LYPLA1: variants seen among roughly 807,000 people sequenced by gnomAD.
The protein encoded by LYPLA1 is acyl-protein thioesterase 1.
Under a neutral mutation model 34.0 loss-of-function variants are expected in LYPLA1, and 17 were observed. That is an observed-to-expected ratio of 0.50 (90% CI 0.34 to 0.75). The LOEUF is 0.75. Among genes scored for constraint, LYPLA1 ranks in the 30% least tolerant of loss-of-function variants. The pLI is 0.01. For missense variants in LYPLA1, 203 were observed against 288.8 expected (o/e 0.70, Z 2.15); for synonymous variants, 98 against 100.8 (o/e 0.97, Z 0.17).
At chr8:54,077,497 TA>T (rs1183616055) in intron 2 of LYPLA1, among the ~76,000 whole-genome samples, 1 of 151,930 alleles carries the variant, frequency 6.6e-6, no homozygotes, top group African/African-American at 2.4e-5. Context: ...AGTTACAAAG[TA>T]AAAAATAAAA....
At chr8:54,049,772 C>CT (rs1805725653) in intron 8 of LYPLA1, among the ~76,000 whole-genome samples, 1 of 151,992 alleles carries the variant, frequency 6.6e-6, no homozygotes, top group African/African-American at 2.4e-5. Context: ...TTCCTGTTTA[C>CT]CAAAACTTTT....
intron 5 of LYPLA1, among the ~76,000 whole-genome samples, chr8:54,061,898 C>A (rs185866723): frequency 6.6e-6 from 1 of 152,240 alleles, no homozygotes; most frequent in Non-Finnish European, 1.5e-5. Context: ...TCTGGTTGCC[C>A]AGGCTGGAGC....
chr8:54,071,909 A>T (rs559087828), intron 2 of LYPLA1, among the ~76,000 whole-genome samples: 40 of 152,320 alleles, frequency 2.6e-4, no homozygotes, highest in Middle Eastern at 6.8e-3. Context: ...GGAACCAAAA[A>T]AAGAGCCCAA....
chr8:54,086,506 T>C (rs1429198826), intron 2 of LYPLA1, among the ~76,000 whole-genome samples: 1 of 120,644 alleles, frequency 8.3e-6, no homozygotes, highest in African/African-American at 3.4e-5. Context: ...AAGGAACAGT[T>C]ACTCATTTAG....
intron 2 of LYPLA1, among the ~76,000 whole-genome samples, chr8:54,091,555 A>G (rs1025810287): frequency 2.0e-3 from 274 of 140,238 alleles, no homozygotes; most frequent in Middle Eastern, 3.6e-3. Context: ...AGAAAAGAAG[A>G]AAGGAAGGAA....
At chr8:54,057,542 T>G (rs1806293745) in intron 5 of LYPLA1, among the ~76,000 whole-genome samples, 1 of 152,178 alleles carries the variant, frequency 6.6e-6, no homozygotes, top group Non-Finnish European at 1.5e-5. Context: ...ATCATTATGT[T>G]AAGGGAAATA....
chr8:54,054,978 C>A, intron 6 of LYPLA1, 82 bp downstream of exon 6: 2 of 807,976 alleles, frequency 2.5e-6, no homozygotes, highest in East Asian at 2.5e-5. Flanking sequence ...TCAAAAAAGA[C>A]TACTCTATAG....
chr8:54,077,635 A>AAAAT (rs551073777), intron 2 of LYPLA1, among the ~76,000 whole-genome samples: 51 of 152,320 alleles, frequency 3.3e-4, no homozygotes, highest in African/African-American at 7.9e-4. Flanking sequence ...GTCTCTACTA[A>AAAAT]AAATAAATAA....
At chr8:54,083,236 A>G (rs1043398152) in intron 2 of LYPLA1, among the ~76,000 whole-genome samples, 1 of 152,234 alleles carries the variant, frequency 6.6e-6, no homozygotes, top group Non-Finnish European at 1.5e-5. Context: ...TGAAGAAATG[A>G]CTGCTGTGCT....
intron 5 of LYPLA1, among the ~76,000 whole-genome samples, chr8:54,057,855 C>G (rs926850038): frequency 6.6e-6 from 1 of 152,232 alleles, no homozygotes; most frequent in Middle Eastern, 3.4e-3. Flanking sequence ...GGGATGGACA[C>G]CCCATTCTCC....
At chr8:54,088,215 G>A (rs760899724) in intron 2 of LYPLA1, among the ~76,000 whole-genome samples, 4 of 152,214 alleles carry the variant, frequency 2.6e-5, no homozygotes, top group Non-Finnish European at 5.9e-5. Flanking sequence ...TCTTTATTAC[G>A]GCTAGCAGAT....
At chr8:54,060,365 T>A (rs999939970) in intron 5 of LYPLA1, among the ~76,000 whole-genome samples, 4 of 152,158 alleles carry the variant, frequency 2.6e-5, no homozygotes, top group African/African-American at 9.7e-5. Context: ...CCTCAGGCGA[T>A]CCGCCTGCCT....
intron 5 of LYPLA1, among the ~76,000 whole-genome samples, chr8:54,058,989 T>C (rs1448685371): frequency 2.6e-5 from 4 of 152,170 alleles, no homozygotes; most frequent in Non-Finnish European, 4.4e-5. Context: ...TGAGTCTGAT[T>C]CTAATTTTCT....
chr8:54,062,862 T>A lies in LYPLA1; in HGVS notation c.215+466A>T, dbSNP rs143067212. Among the ~76,000 whole-genome samples, 31 of 152,182 alleles carry A rather than the reference T, an allele frequency of 2.0e-4. No homozygotes were observed. In the East Asian group the frequency reaches 5.2e-3, roughly 26 times the overall value. Reference sequence around the variant, plus strand: ...GATGTTAGGAGTCTCAGAGAACAGTTAGGAAAAATCATAGTCTGGAAGTAG... The same window carrying A: ...GATGTTAGGAGTCTCAGAGAACAGTAAGGAAAAATCATAGTCTGGAAGTAG... On this transcript the variant is annotated intron_variant, in intron 4 of 8. Coordinates refer to ENST00000316963, the MANE Select transcript of LYPLA1 (RefSeq NM_006330.4).
At chr8:54,090,386 TTC>T (rs1809137259) in intron 2 of LYPLA1, among the ~76,000 whole-genome samples, 1 of 152,222 alleles carries the variant, frequency 6.6e-6, no homozygotes, top group South Asian at 2.1e-4. Context: ...AAGACTGTGT[TTC>T]TGTTTTAAGG....
intron 5 of LYPLA1, among the ~76,000 whole-genome samples, chr8:54,058,487 T>C (rs947772289): frequency 2.0e-5 from 3 of 152,076 alleles, no homozygotes; most frequent in Non-Finnish European, 4.4e-5. Flanking sequence ...GAGGTTGCAG[T>C]GAGCTGAGAT....
At chr8:54,098,837 T>A (rs188843019) in intron 2 of LYPLA1, among the ~76,000 whole-genome samples, 7 of 152,194 alleles carry the variant, frequency 4.6e-5, no homozygotes, top group African/African-American at 1.7e-4. Flanking sequence ...GACTACAATA[T>A]CTTAAGTATT....
intron 2 of LYPLA1, among the ~76,000 whole-genome samples, chr8:54,077,159 A>G (rs1301617936): frequency 1.3e-5 from 2 of 152,330 alleles, no homozygotes; most frequent in South Asian, 4.1e-4. Flanking sequence ...TTATGCAGCC[A>G]TTAAAAAAAG....
rs1349789766 is a variant in LYPLA1 at position 54,062,264 on chromosome 8, T to C, written c.276A>G (p.Ala92=). Residue 92 remains alanine (A), a synonymous_variant, in exon 5 of 9, where the codon GCA becomes GCG. Transcript: ENST00000316963. ...SQEDESGIKQ[A]AENIKALIDQ... ...ATTTTCTGTACTTACTATTTTCTGC[T>C]GCCTGTTTAATCCCAGATTCATCCT... 6.2e-7 allele frequency: 1 copy of C among 1,605,580 alleles called. No homozygotes were observed. Among genetic ancestry groups the C allele is most frequent in the Non-Finnish European group, 8.5e-7 (1 of 1,175,584 alleles).
Sources: gnomAD v4.1 joint callset for allele counts (sites outside exome capture counted in the v4.1 genomes callset) on GRCh38, gnomAD v4.1.1 for gene constraint, MANE v1.5 for transcripts, NCBI Gene and HGNC (gene_info 2026-07-23, HGNC 2026-07-21) for gene names.